Variants in OAS2 observed in about 807,000 individuals in gnomAD.
OAS2 encodes 2'-5'-oligoadenylate synthetase 2, also known as 2'-5'-oligoadenylate synthase 2.
In OAS2, 67 loss-of-function variants were observed where a neutral mutation model predicts 71.3. The ratio of observed to expected loss-of-function variants is 0.94; its 90% CI spans 0.77 to 1.15. OAS2 has a LOEUF of 1.15. OAS2 is among the 50% of genes most tolerant of loss of function. The pLI, the probability that OAS2 is intolerant of heterozygous loss-of-function variation, is 0.00. For missense variants in OAS2, 789 were observed against 822.5 expected, an observed-to-expected ratio of 0.96 and a Z score of 0.50; for synonymous variants, 327 against 321.8, an observed-to-expected ratio of 1.02 and a Z score of -0.17.
chr12:113,000,648 GCACACACATGCACT>G (rs1188157751), intron 5 of OAS2, among the ~76,000 whole-genome samples: 3 of 147,006 alleles, frequency 2.0e-5, no homozygotes, highest in Admixed American at 6.8e-5. Context: ...CTCACACCAT[GCACACACATGCACT>G]CACACACATG....
At chr12:113,000,194 T>A (rs1463882813) in intron 5 of OAS2, among the ~76,000 whole-genome samples, 3 of 151,888 alleles carry the variant, frequency 2.0e-5, no homozygotes, top group Non-Finnish European at 4.4e-5. Context: ...AGACTAGGAG[T>A]CATATATTAT....
chr12:112,982,435 T>G (rs2044092817), intron 1 of OAS2, among the ~76,000 whole-genome samples: 1 of 152,202 alleles, frequency 6.6e-6, no homozygotes, highest in Non-Finnish European at 1.5e-5. Context: ...AATCATATGA[T>G]TTGTCCTTCA....
Position 113,010,397 on chromosome 12 carries a change from TG to T in OAS2, c.*1144del. On this transcript the variant is annotated 3_prime_UTR_variant, in exon 10 of 10. Coordinates refer to ENST00000392583, the MANE Select transcript of OAS2 (RefSeq NM_002535.3). ...AGACAATGCAGACACCAGGAAGTTG[TG>T]GAGCTAGGATCCATCCTATTGTCAA... The T allele has an allele frequency of 6.2e-7, 1 of 1,613,916 alleles. No individual in the cohort carries two copies. Among genetic ancestry groups the T allele is most frequent in the Non-Finnish European group, 8.5e-7 (1 of 1,179,898 alleles).
intron 2 of OAS2, 51 bp from the exon 3 acceptor site, chr12:112,995,245 C>A: frequency 6.4e-7 from 1 of 1,551,694 alleles, no homozygotes. Flanking sequence ...CCCTGGCTCT[C>A]TAAAACCAGG....
chr12:112,995,418 A>G lies in OAS2; in HGVS notation c.571A>G (p.Asn191Asp). The G allele has an allele frequency of 6.2e-7, 1 of 1,614,140 alleles. No individual in the cohort carries two copies. Among genetic ancestry groups the G allele is most frequent in the Non-Finnish European group, 8.5e-7 (1 of 1,179,996 alleles). The change falls in exon 3 of 10, where the codon AAC becomes GAC. Residue 191 changes from asparagine (N) to aspartate (D), a missense_variant. Coordinates refer to ENST00000392583, the MANE Select transcript of OAS2 (RefSeq NM_002535.3). ...FTELQQKFFD[N>D]RPGKLKDLIL... The stretch of plus-strand genomic sequence containing the variant: ...TGAACTCCAGCAGAAGTTTTTTGAC[A>G]ACCGTCCTGGAAAACTAAAGGATTT...
intron 5 of OAS2, among the ~76,000 whole-genome samples, chr12:113,001,887 A>AAAAAAAAAAAAAAAAT (rs56814612): frequency 9.0e-6 from 1 of 110,716 alleles, no homozygotes; most frequent in Non-Finnish European, 1.7e-5. Flanking sequence ...AAAAAAAAAA[A>AAAAAAAAAAAAAAAAT]AGCTAGGCGT....
At chr12:112,996,473 C>G (rs993697553) in intron 3 of OAS2, among the ~76,000 whole-genome samples, 7 of 152,028 alleles carry the variant, frequency 4.6e-5, no homozygotes, top group African/African-American at 1.7e-4. Flanking sequence ...AAATTATACT[C>G]CCATCAGCAA....
intron 7 of OAS2, 32 bp downstream of exon 7, chr12:113,005,254 A>T (rs376595583): frequency 2.0e-5 from 32 of 1,591,948 alleles, no homozygotes; most frequent in Middle Eastern, 1.7e-4. Context: ...CTTGGAAGTG[A>T]TGGTGGACAG....
chr12:112,993,358 G>A (rs895374045), intron 2 of OAS2, among the ~76,000 whole-genome samples: 2 of 152,176 alleles, frequency 1.3e-5, no homozygotes, highest in African/African-American at 4.8e-5. Context: ...AATTGCACTT[G>A]CCAGCTAAGA....
intron 1 of OAS2, among the ~76,000 whole-genome samples, chr12:112,982,795 A>G (rs1199326942): frequency 6.6e-6 from 1 of 152,180 alleles, no homozygotes; most frequent in South Asian, 2.1e-4. Context: ...CAGTAAAGCC[A>G]TCTAGTCCTG....
chr12:113,006,588 CTG>C lies in OAS2; in HGVS notation c.1645_1646del (p.Trp549ValfsTer5), dbSNP rs771301930. On this transcript the variant is annotated frameshift_variant, in exon 8 of 10. Coordinates refer to ENST00000392583, the MANE Select transcript of OAS2 (RefSeq NM_002535.3). LOFTEE classifies it high-confidence loss of function. Reference protein sequence around the residue: ...LKDLIRLVKHWYKECERKLKP... With the variant: ...LKDLIRLVKHXYKECERKLKP... ...AGGATTTAATTCGCCTGGTGAAGCA[CTG>C]GTACAAAGAGGTAAGGACAGTCTTT... 2 of 1,605,594 alleles carry C rather than the reference CTG, an allele frequency of 1.2e-6. No homozygotes were observed. Among genetic ancestry groups the C allele is most frequent in the Non-Finnish European group, 1.7e-6 (2 of 1,173,546 alleles).
chr12:113,007,669 C>T, intron 8 of OAS2, 36 bp from the exon 9 acceptor site: 1 of 1,576,426 alleles, frequency 6.3e-7, no homozygotes, highest in Middle Eastern at 1.8e-4. Context: ...AGCTCCTAGG[C>T]TAACCAGTTC....
At chr12:113,003,650 C>G (rs946132930) in intron 6 of OAS2, among the ~76,000 whole-genome samples, 1 of 152,198 alleles carries the variant, frequency 6.6e-6, no homozygotes, top group Admixed American at 6.5e-5. Context: ...GCCCGGCTTG[C>G]CCCATCAGCT....
chr12:112,985,120 T>G (rs960844037), intron 1 of OAS2, among the ~76,000 whole-genome samples: 1 of 152,230 alleles, frequency 6.6e-6, no homozygotes, highest in Non-Finnish European at 1.5e-5. Context: ...GACTATAATA[T>G]GCCTGCAGAA....
At chr12:113,001,577 G>A (rs1354425191) in intron 5 of OAS2, among the ~76,000 whole-genome samples, 1 of 149,876 alleles carries the variant, frequency 6.7e-6, no homozygotes, top group Admixed American at 6.7e-5. Context: ...CCTTGAGGTT[G>A]TCCAAATTTC....
intron 6 of OAS2, among the ~76,000 whole-genome samples, chr12:113,003,860 G>A (rs2044309506): frequency 1.3e-5 from 2 of 152,200 alleles, no homozygotes; most frequent in African/African-American, 4.8e-5. Context: ...TAGAGAAGAG[G>A]GGCCTGGGAA....
intron 5 of OAS2, among the ~76,000 whole-genome samples, chr12:112,999,378 C>T (rs978137959): frequency 2.6e-5 from 4 of 152,188 alleles, no homozygotes; most frequent in Non-Finnish European, 5.9e-5. Context: ...TCCTGGGAAC[C>T]GCACTGGAGA....
chr12:112,989,979 G>A (rs2044176901), intron 2 of OAS2, among the ~76,000 whole-genome samples: 1 of 152,132 alleles, frequency 6.6e-6, no homozygotes, highest in South Asian at 2.1e-4. Flanking sequence ...TACTTCCCTA[G>A]TCAACGTCAC....
chr12:113,005,918 CAAAAAAAAAAA>C (rs138299398), intron 7 of OAS2, among the ~76,000 whole-genome samples: 13 of 49,052 alleles, frequency 2.7e-4, no homozygotes, highest in Non-Finnish European at 2.8e-4. Flanking sequence ...ACAACAACAA[CAAAAAAAAAAA>C]AAAAAAAAAA....
Sources: allele counts gnomAD v4.1 joint callset (sites outside exome capture counted in the v4.1 genomes callset), GRCh38; gene constraint gnomAD v4.1.1; transcripts MANE v1.5; gene names NCBI Gene and HGNC (gene_info 2026-07-23, HGNC 2026-07-21).